The following SPAM1 variants were observed in gnomAD, a reference collection of about 807,000 sequenced individuals.
The protein encoded by SPAM1 is sperm adhesion molecule 1.
In SPAM1, 22 loss-of-function variants were observed where a neutral mutation model predicts 29.6. That is an observed-to-expected ratio of 0.74 (90% confidence interval 0.53 to 1.06). The LOEUF is 1.06. Ranked by LOEUF, SPAM1 falls within the 50% of genes least tolerant of loss-of-function variation. The pLI is 0.00. For missense variants in SPAM1, 534 were observed against 604.0 expected (o/e 0.88, Z 1.21); for synonymous variants, 194 against 204.6 (o/e 0.95, Z 0.44).
chr7:123,958,010 C>T (rs540047673), intron 4 of SPAM1, among the ~76,000 whole-genome samples: 1 of 152,140 alleles, frequency 6.6e-6, no homozygotes, highest in South Asian at 2.1e-4. Context: ...GATAATCTCC[C>T]CTTCTGAAGA....
At chr7:123,952,634 C>T (rs1792136683) in intron 2 of SPAM1, among the ~76,000 whole-genome samples, 2 of 152,026 alleles carry the variant, frequency 1.3e-5, no homozygotes, top group Non-Finnish European at 1.5e-5. Flanking sequence ...CACAATCTTA[C>T]TTATCAAATG....
chr7:123,959,555 A>G lies in SPAM1; in HGVS notation c.1116A>G (p.Ala372=), dbSNP rs1481912643. 1 of 1,613,182 alleles carries G rather than the reference A, an allele frequency of 6.2e-7. No homozygotes were observed. The highest frequency in any genetic ancestry group is 8.5e-7 in the Non-Finnish European group (1 of 1,179,518). Residue 372 remains alanine, a synonymous_variant, in exon 5 of 5, where the codon GCA becomes GCG. Coordinates refer to ENST00000682466, the MANE Select transcript of SPAM1 (RefSeq NM_153189.3). ...CTTACATAATCAACGTCACACTAGC[A>G]GCCAAAATGTGTAGCCAAGTGCTTT... is the stretch of plus-strand genomic sequence containing the variant. The part of the protein sequence containing the change: ...LNPYIINVTL[A]AKMCSQVLCQ...
At chr7:123,954,929 G>C (rs911984332) in intron 3 of SPAM1, 68 bp from the exon 4 acceptor site, 1 of 978,946 alleles carries the variant, frequency 1.0e-6, no homozygotes. Context: ...TAGCTTTTGC[G>C]TTGCTGTCCT....
intron 5 of SPAM1, among the ~76,000 whole-genome samples, chr7:123,966,631 A>G (rs536512199): frequency 3.9e-5 from 6 of 152,184 alleles, no homozygotes; most frequent in African/African-American, 1.2e-4. Flanking sequence ...ACATGGATGG[A>G]GCTGGAAGCT....
chr7:123,965,801 T>C (rs1584965567), intron 5 of SPAM1, among the ~76,000 whole-genome samples: 1 of 152,068 alleles, frequency 6.6e-6, no homozygotes, highest in African/African-American at 2.4e-5. Flanking sequence ...TTTCCATTCC[T>C]TGTGAATTTT....
At chr7:123,931,066 C>T (rs1179204279) in intron 1 of SPAM1, among the ~76,000 whole-genome samples, 1 of 152,070 alleles carries the variant, frequency 6.6e-6, no homozygotes. Flanking sequence ...AACAAACTCC[C>T]CTGAAAGCTG....
In SPAM1 at chr7:123,959,960, G is replaced by C. The variant is rs757443409; in HGVS notation, c.1521G>C (p.Ala507=). ...TGTTTCTTATCATTTCTTCTGTAGCGAGTTTGTAATTGCGCAGGTTAGCTG... is the reference window on the plus strand; with the variant it reads ...TGTTTCTTATCATTTCTTCTGTAGCCAGTTTGTAATTGCGCAGGTTAGCTG... The part of the protein sequence containing the change: ...SILFLIISSV[A]SL Residue 507 remains alanine (A), a synonymous_variant, in exon 5 of 5, where the codon GCG becomes GCC. Coordinates refer to ENST00000682466, the MANE Select transcript of SPAM1 (RefSeq NM_153189.3). 1.2e-6 allele frequency: 2 copies of C among 1,605,700 alleles called. No individual in the cohort carries two copies. The highest frequency in any genetic ancestry group is 1.7e-6 in the Non-Finnish European group (2 of 1,177,038).
At chr7:123,931,775 A>G (rs187291016) in intron 1 of SPAM1, among the ~76,000 whole-genome samples, 1 of 152,226 alleles carries the variant, frequency 6.6e-6, no homozygotes, top group East Asian at 1.9e-4. Flanking sequence ...ATCCCTGACA[A>G]CCTGTACCCC....
At chr7:123,931,882 A>G (rs923424332) in intron 1 of SPAM1, among the ~76,000 whole-genome samples, 14 of 152,188 alleles carry the variant, frequency 9.2e-5, no homozygotes, top group African/African-American at 3.4e-4. Flanking sequence ...CTTTTTTAAA[A>G]AATTGATGAC....
chr7:123,966,861 AC>A (rs1347739593), intron 5 of SPAM1, among the ~76,000 whole-genome samples: 2 of 151,992 alleles, frequency 1.3e-5, no homozygotes, highest in African/African-American at 4.8e-5. Flanking sequence ...GCACACATCT[AC>A]CTATGTAACA....
chr7:123,969,622 T>G (rs188652052), intron 5 of SPAM1, among the ~76,000 whole-genome samples: 16 of 152,202 alleles, frequency 1.1e-4, no homozygotes, highest in African/African-American at 3.9e-4. Flanking sequence ...ATTTCTGGGT[T>G]CTCTGTCCTG....
chr7:123,967,543 A>G lies in SPAM1; in HGVS notation c.1486-2655A>G, dbSNP rs189087671. Among the ~76,000 whole-genome samples the G allele has an allele frequency of 1.3e-4, 20 of 152,024 alleles. 1 individual carries two copies. In the East Asian group the frequency reaches 3.9e-3, roughly 30 times the overall value. ...AGTAGGTATGCTGATAATTTTAAAA[A>G]GTAGACTCCAATATAGTATTTGTGA... On this transcript the variant is annotated intron_variant, in intron 5 of 6. Coordinates refer to the SPAM1 transcript ENST00000340011.
chr7:123,930,093 CT>C (rs1449709499), intron 1 of SPAM1, among the ~76,000 whole-genome samples: 6 of 151,936 alleles, frequency 3.9e-5, no homozygotes, highest in African/African-American at 1.2e-4. Context: ...GGATTTTTAA[CT>C]TTTGTTATAA....
chr7:123,958,743 G>T (rs1342391100), intron 4 of SPAM1, among the ~76,000 whole-genome samples: 1 of 151,588 alleles, frequency 6.6e-6, no homozygotes. Context: ...AAGGCAGGAG[G>T]ATTGCTTGAA....
At chr7:123,957,792 A>G (rs1349245190) in intron 4 of SPAM1, among the ~76,000 whole-genome samples, 1 of 151,966 alleles carries the variant, frequency 6.6e-6, no homozygotes, top group African/African-American at 2.4e-5. Context: ...CTGGCTGGCT[A>G]CTGGCAAATG....
At position 123,953,938 on chromosome 7, in the gene SPAM1, A is replaced by G; in HGVS notation, c.368A>G (p.His123Arg). ...GIPQKISLQD[H>R]LDKAKKDITF... ...CCCCAGAAGATTTCCTTACAAGACC[A>G]TCTGGACAAAGCTAAGAAAGACATT... The change falls in exon 3 of 5, where the codon CAT becomes CGT. Residue 123 changes from histidine (H) to arginine (R), a missense_variant. Transcript: ENST00000682466. 2 of 1,613,788 alleles carry G rather than the reference A, an allele frequency of 1.2e-6. No homozygotes were observed. Among genetic ancestry groups the G allele is most frequent in the Non-Finnish European group, 8.5e-7 (1 of 1,179,824 alleles).
chr7:123,954,437 CA>C lies in SPAM1; in HGVS notation c.871del (p.Ile291TyrfsTer16). ...NRVREAIRVSKIPDAKSPLPV... is the reference protein window; with the variant it reads ...NRVREAIRVSXIPDAKSPLPV... ...GAGTTCGGGAAGCCATCAGAGTTTC[CA>C]AAATACCTGATGCAAAAAGTCCACT... On this transcript the variant is annotated frameshift_variant, in exon 3 of 5. Coordinates refer to ENST00000682466, the MANE Select transcript of SPAM1 (RefSeq NM_153189.3). LOFTEE classifies it high-confidence loss of function. 6.2e-7 allele frequency: 1 copy of C among 1,613,308 alleles called. No individual in the cohort carries two copies. Among genetic ancestry groups the C allele is most frequent in the Non-Finnish European group, 8.5e-7 (1 of 1,179,596 alleles).
chr7:123,928,896 C>T (rs1269630255), intron 1 of SPAM1, among the ~76,000 whole-genome samples: 3 of 151,868 alleles, frequency 2.0e-5, no homozygotes, highest in African/African-American at 7.3e-5. Context: ...TTGAATTAAC[C>T]CTAGAGTCAT....
At chr7:123,941,243 C>A (rs549223503) in intron 1 of SPAM1, among the ~76,000 whole-genome samples, 10 of 152,320 alleles carry the variant, frequency 6.6e-5, no homozygotes, top group African/African-American at 2.4e-4. Flanking sequence ...AGGCTATGGA[C>A]ACACCTGTGA....
Sources: gnomAD v4.1 joint callset for allele counts (sites outside exome capture counted in the v4.1 genomes callset) on GRCh38, gnomAD v4.1.1 for gene constraint, MANE v1.5 for transcripts, NCBI Gene and HGNC (gene_info 2026-07-23, HGNC 2026-07-21) for gene names.